MALRD1: variants seen among roughly 807,000 people sequenced by gnomAD.
The protein encoded by MALRD1 is MAM and LDL-receptor class A domain-containing protein 1.
A neutral mutation model predicts 242.1 loss-of-function variants in MALRD1; 247 were observed. That is an observed-to-expected ratio of 1.02 (90% CI 0.92 to 1.13). MALRD1 has a LOEUF of 1.13. Among genes scored for constraint, MALRD1 ranks in the 50% most tolerant of loss-of-function variants. MALRD1 has a pLI of 0.00. For missense variants in MALRD1, 2,989 were observed against 2,533.1 expected (o/e 1.18, Z -3.86); for synonymous variants, 995 against 866.6 (o/e 1.15, Z -2.60).
intron 5 of MALRD1, among the ~76,000 whole-genome samples, chr10:19,108,516 G>A (rs1464489717): frequency 1.6e-5 from 1 of 62,110 alleles, no homozygotes; most frequent in East Asian, 4.5e-4. Flanking sequence ...CCGGGTTCAC[G>A]CCATTCTCCT....
chr10:19,324,599 A>T (rs1198332523), intron 22 of MALRD1, among the ~76,000 whole-genome samples: 5 of 146,944 alleles, frequency 3.4e-5, no homozygotes, highest in Admixed American at 1.4e-4. Flanking sequence ...CAGAGATCTT[A>T]TTTTTTTTTT....
Position 19,066,855 on chromosome 10 carries a change from G to A in MALRD1, c.336G>A (p.Val112=), listed in dbSNP as rs1203079523. Residue 112 remains valine (V), a synonymous_variant, in exon 2 of 40, where the codon GTG becomes GTA. Transcript: ENST00000454679. The part of the protein sequence containing the change: ...SPPFYDHNGD[V]SAHFLSLVSR... ...CATTTTATGATCACAATGGTGATGT[G>A]TCTGGTAAATGCTTTAAATTTATTT... The A allele has an allele frequency of 8.1e-7, 1 of 1,233,564 alleles. No individual in the cohort carries two copies. The allele number at this position is 1,233,564 out of a possible 1,614,324, so 76.4% of individuals were successfully genotyped here.
chr10:19,072,648 C>G (rs1835189347), intron 2 of MALRD1, among the ~76,000 whole-genome samples: 1 of 151,978 alleles, frequency 6.6e-6, no homozygotes, highest in Admixed American at 6.6e-5. Context: ...TCTAAGAACA[C>G]AGATACATTA....
chr10:19,340,380 A>G lies in MALRD1; in HGVS notation c.3902-7391A>G, dbSNP rs981292984. On this transcript the variant is annotated intron_variant, in intron 24 of 39. Coordinates refer to ENST00000454679, the MANE Select transcript of MALRD1 (RefSeq NM_001142308.3). The stretch of plus-strand genomic sequence containing the variant: ...TTTTGTACCCATTAACATCCCCACA[A>G]GGTTCTGTGATTCGGGTTGAGCTTA... 2.0e-5 allele frequency among the ~76,000 whole-genome samples: 3 copies of G among 151,960 alleles called. No homozygotes were observed. In the South Asian group the frequency reaches 6.2e-4, roughly 32 times the overall value.
At chr10:19,632,034 G>A (rs561083075) in intron 36 of MALRD1, among the ~76,000 whole-genome samples, 1 of 152,142 alleles carries the variant, frequency 6.6e-6, no homozygotes, top group South Asian at 2.1e-4. Context: ...AAGCCAGATG[G>A]CCCAAATAAC....
intron 14 of MALRD1, among the ~76,000 whole-genome samples, chr10:19,186,426 T>A (rs1216524027): frequency 1.3e-5 from 2 of 152,168 alleles, no homozygotes; most frequent in Non-Finnish European, 2.9e-5. Context: ...GAAAACTATT[T>A]CTATAGTCAG....
chr10:19,322,422 T>C (rs1269678631), intron 21 of MALRD1, among the ~76,000 whole-genome samples: 3 of 152,152 alleles, frequency 2.0e-5, no homozygotes, highest in Non-Finnish European at 4.4e-5. Flanking sequence ...GAATGATATA[T>C]ATATAACCAC....
chr10:19,174,734 CAGTG>C (rs1371251067), intron 13 of MALRD1, among the ~76,000 whole-genome samples: 1 of 152,046 alleles, frequency 6.6e-6, no homozygotes, highest in East Asian at 1.9e-4. Flanking sequence ...TGCTTTACTA[CAGTG>C]AGTATGTTTC....
rs549513413 is a variant in MALRD1 at position 19,607,920 on chromosome 10, A to T, written c.6070+18A>T. ...CTGCTCCGGTACCCCATTTCCATTC[A>T]GATATTCTTGTGATATGAACCAGCA... On this transcript the variant is annotated intron_variant, in intron 35 of 39. Coordinates refer to ENST00000454679, the MANE Select transcript of MALRD1 (RefSeq NM_001142308.3). The T allele has an allele frequency of 2.6e-4, 408 of 1,548,696 alleles. No individual in the cohort carries two copies. In the African/African-American group the frequency reaches 4.4e-3, roughly 17 times the overall value.
intron 36 of MALRD1, among the ~76,000 whole-genome samples, chr10:19,626,370 C>T (rs959241017): frequency 1.4e-5 from 2 of 146,776 alleles, no homozygotes; most frequent in African/African-American, 5.0e-5. Flanking sequence ...GGGGTTTTAG[C>T]CAAAGGTACA....
At chr10:19,519,546 A>G (rs1282855470) in intron 31 of MALRD1, among the ~76,000 whole-genome samples, 1 of 152,136 alleles carries the variant, frequency 6.6e-6, no homozygotes, top group Non-Finnish European at 1.5e-5. Context: ...AGGCAGGAGG[A>G]CTACTTGAGC....
At chr10:19,169,493 A>C (rs1834831814) in intron 13 of MALRD1, among the ~76,000 whole-genome samples, 1 of 152,214 alleles carries the variant, frequency 6.6e-6, no homozygotes, top group African/African-American at 2.4e-5. Context: ...ACTAATGTTA[A>C]CATTTTGTTT....
intron 38 of MALRD1, among the ~76,000 whole-genome samples, chr10:19,724,472 G>A (rs967300476): frequency 1.3e-5 from 2 of 152,198 alleles, no homozygotes; most frequent in African/African-American, 4.8e-5. Context: ...CTGTCACTCT[G>A]TCCTAGACAC....
At chr10:19,580,353 T>G (rs1217313205) in intron 33 of MALRD1, among the ~76,000 whole-genome samples, 1 of 152,124 alleles carries the variant, frequency 6.6e-6, no homozygotes, top group Non-Finnish European at 1.5e-5. Context: ...TAAGACGTTC[T>G]GTTTCTTCAG....
Position 19,136,639 on chromosome 10 carries a change from T to G in MALRD1, c.1269T>G (p.Tyr423Ter). The G allele has an allele frequency of 8.1e-7, 1 of 1,231,722 alleles. No homozygotes were observed. Among genetic ancestry groups the G allele is most frequent in the Non-Finnish European group, 1.0e-6 (1 of 987,964 alleles). 76.3% of individuals were successfully genotyped at this position (1,231,722 alleles called of 1,614,324 possible). A position where few individuals can be genotyped will look rare whatever the true frequency, so the allele number is the denominator to read the frequency against. ...TTGCCCTTGATCACCTCTGGGTCTA[T>G]GCCTGTGGACAGACCCAATCCAGAA... ...SFIALDHLWVYACGQTQSRKL... is the reference protein window; with the variant it reads ...SFIALDHLWV The change falls in exon 10 of 40, where the codon TAT becomes TAG. Residue 423 changes from tyrosine to a stop codon, truncating the protein, a stop_gained. Coordinates refer to ENST00000454679, the MANE Select transcript of MALRD1 (RefSeq NM_001142308.3). LOFTEE classifies it high-confidence loss of function.
chr10:19,569,927 A>G (rs1339354242), intron 33 of MALRD1, among the ~76,000 whole-genome samples: 2 of 151,362 alleles, frequency 1.3e-5, no homozygotes, highest in Non-Finnish European at 3.0e-5. Flanking sequence ...TCATCTCCAA[A>G]TTCTAACATA....
intron 18 of MALRD1, among the ~76,000 whole-genome samples, chr10:19,241,636 A>G (rs1167852580): frequency 1.3e-5 from 2 of 152,002 alleles, no homozygotes; most frequent in African/African-American, 4.8e-5. Context: ...CTTGAAGTGT[A>G]TAATTTTGCT....
At chr10:19,238,670 G>A (rs1424061658) in intron 18 of MALRD1, among the ~76,000 whole-genome samples, 1 of 131,176 alleles carries the variant, frequency 7.6e-6, no homozygotes, top group Non-Finnish European at 1.7e-5. Flanking sequence ...GTAAACATAA[G>A]AGTGCAGATA....
intron 36 of MALRD1, among the ~76,000 whole-genome samples, chr10:19,629,294 C>T (rs1839809589): frequency 6.6e-6 from 1 of 152,180 alleles, no homozygotes; most frequent in Non-Finnish European, 1.5e-5. Context: ...ATTCTGTTCG[C>T]TGGTCATTGC....
Sources: gnomAD v4.1 joint callset for allele counts (sites outside exome capture counted in the v4.1 genomes callset) on GRCh38, gnomAD v4.1.1 for gene constraint, MANE v1.5 for transcripts, NCBI Gene and HGNC (gene_info 2026-07-23, HGNC 2026-07-21) for gene names.